GRIK2: variants seen among roughly 807,000 people sequenced by gnomAD.
GRIK2 encodes the protein glutamate ionotropic receptor kainate type subunit 2.
GRIK2 carries 32 observed loss-of-function variants against 100.3 expected under a neutral mutation model. The observed-to-expected ratio is 0.32, with a 90% CI of 0.24 to 0.43. The LOEUF is 0.43. GRIK2 is among the 20% of genes least tolerant of loss of function. The pLI is 1.00. For missense variants in GRIK2, 843 were observed against 1,114.9 expected (o/e 0.76, Z 3.47); for synonymous variants, 417 against 389.4 (o/e 1.07, Z -0.83).
chr6:101,568,458 G>A (rs1045946943), intron 2 of GRIK2, among the ~76,000 whole-genome samples: 3 of 151,940 alleles, frequency 2.0e-5, no homozygotes, highest in African/African-American at 7.2e-5. Context: ...ATAAATCCTG[G>A]TTTGAGCCTA....
At chr6:102,023,768 T>A (rs1769550371) in intron 14 of GRIK2, among the ~76,000 whole-genome samples, 2 of 151,480 alleles carry the variant, frequency 1.3e-5, no homozygotes, top group South Asian at 4.1e-4. Context: ...ACATTGATAG[T>A]TGAGTTACTC....
intron 15 of GRIK2, among the ~76,000 whole-genome samples, chr6:102,047,402 C>A (rs1770949347): frequency 6.6e-6 from 1 of 151,972 alleles, no homozygotes. Flanking sequence ...ATTGAAGACA[C>A]AATAAGTAGA....
At chr6:101,574,466 C>A (rs576194465) in intron 2 of GRIK2, among the ~76,000 whole-genome samples, 17 of 150,202 alleles carry the variant, frequency 1.1e-4, no homozygotes, top group Non-Finnish European at 2.2e-4. Context: ...AAGATTTTAA[C>A]CCTTTTTTTT....
chr6:101,720,225 C>A lies in GRIK2; in HGVS notation c.951+33872C>A, dbSNP rs369440718. ...GATTATGAGACAGACCCAGCCCACA[C>A]TGTCAGAAAAAAATAAAAAATGTGT... On this transcript the variant is annotated intron_variant, in intron 7 of 16. Transcript: ENST00000369134. Among the ~76,000 whole-genome samples, 28 of 151,900 alleles carry A rather than the reference C, an allele frequency of 1.8e-4. No homozygotes were observed. The East Asian group carries it at 3.5e-3, about 19-fold the overall frequency.
intron 2 of GRIK2, among the ~76,000 whole-genome samples, chr6:101,461,268 C>T (rs1426707015): frequency 6.6e-6 from 1 of 152,178 alleles, no homozygotes; most frequent in East Asian, 1.9e-4. Context: ...GGGTACAGGT[C>T]TCACAGGGGT....
intron 14 of GRIK2, among the ~76,000 whole-genome samples, chr6:102,029,358 G>A (rs1347344646): frequency 6.6e-6 from 1 of 151,204 alleles, no homozygotes; most frequent in East Asian, 1.9e-4. Context: ...ATAATCTTTA[G>A]TTTATACTGC....
chr6:101,968,660 C>T lies in GRIK2; in HGVS notation c.2085+40028C>T, dbSNP rs183849791. Among the ~76,000 whole-genome samples, 34 of 152,024 alleles carry T rather than the reference C, an allele frequency of 2.2e-4. No homozygotes were observed. The East Asian group carries it at 3.1e-3, about 14-fold the overall frequency. On this transcript the variant is annotated intron_variant, in intron 14 of 16. Transcript: ENST00000369134. ...AACATAAAGATACATACTTTATGTT[C>T]GCCTTATCTTCTCACTTTCCTTTCA...
chr6:101,758,294 G>A (rs976258441), intron 7 of GRIK2, among the ~76,000 whole-genome samples: 1 of 152,136 alleles, frequency 6.6e-6, no homozygotes, highest in African/African-American at 2.4e-5. Context: ...TATAAATGAT[G>A]AGTTAAAGCA....
chr6:101,647,892 G>A (rs991303123), intron 4 of GRIK2, among the ~76,000 whole-genome samples: 1 of 151,952 alleles, frequency 6.6e-6, no homozygotes, highest in African/African-American at 2.4e-5. Flanking sequence ...AATATTCATG[G>A]CTTAGGCAAG....
At chr6:101,711,411 A>T (rs1430514025) in intron 7 of GRIK2, among the ~76,000 whole-genome samples, 1 of 151,798 alleles carries the variant, frequency 6.6e-6, no homozygotes, top group Non-Finnish European at 1.5e-5. Context: ...TCATGATTTT[A>T]ATATAAAATC....
intron 2 of GRIK2, among the ~76,000 whole-genome samples, chr6:101,594,939 CAAAT>C (rs1050634917): frequency 2.0e-5 from 3 of 150,474 alleles, no homozygotes; most frequent in African/African-American, 4.9e-5. Context: ...AAATTTTAGA[CAAAT>C]AAGCATGTGG....
chr6:101,501,118 A>G (rs1032842933), intron 2 of GRIK2, among the ~76,000 whole-genome samples: 3 of 152,152 alleles, frequency 2.0e-5, no homozygotes, highest in Non-Finnish European at 2.9e-5. Flanking sequence ...TGACAAGCAT[A>G]TAAGAACCAT....
intron 7 of GRIK2, among the ~76,000 whole-genome samples, chr6:101,704,043 G>A (rs1222158963): frequency 6.6e-6 from 1 of 151,738 alleles, no homozygotes; most frequent in East Asian, 1.9e-4. Flanking sequence ...TTGGAAAGTG[G>A]GAAAGTGAAT....
At chr6:101,908,498 A>G (rs1788400589) in intron 12 of GRIK2, among the ~76,000 whole-genome samples, 1 of 151,384 alleles carries the variant, frequency 6.6e-6, no homozygotes, top group African/African-American at 2.4e-5. Context: ...AGTACATTAC[A>G]GATAAATATA....
chr6:101,459,954 A>T lies in GRIK2; in HGVS notation c.115+60562A>T, dbSNP rs533466617. 9.9e-5 allele frequency among the ~76,000 whole-genome samples: 15 copies of T among 152,114 alleles called. No individual in the cohort carries two copies. In the East Asian group the frequency reaches 2.7e-3, roughly 28 times the overall value. On this transcript the variant is annotated intron_variant, in intron 2 of 16. Coordinates refer to ENST00000369134, the MANE Select transcript of GRIK2 (RefSeq NM_021956.5). ...GTATTTGCAGTAGAGACAGGGTTTC[A>T]CCACTTTGGTCAGGCTGGTCTCGAA...
intron 14 of GRIK2, among the ~76,000 whole-genome samples, chr6:101,958,128 C>G (rs1417419489): frequency 6.6e-6 from 1 of 151,980 alleles, no homozygotes; most frequent in East Asian, 1.9e-4. Context: ...AATATTGACT[C>G]TTCCAAACTA....
intron 5 of GRIK2, among the ~76,000 whole-genome samples, chr6:101,677,237 A>G (rs565303433): frequency 6.6e-6 from 1 of 152,264 alleles, no homozygotes; most frequent in East Asian, 1.9e-4. Context: ...TTATTTCATC[A>G]TCACTACAAC....
chr6:101,960,045 A>AGT (rs1402563318), intron 14 of GRIK2, among the ~76,000 whole-genome samples: 1 of 86,938 alleles, frequency 1.2e-5, no homozygotes, highest in African/African-American at 5.2e-5. Context: ...GCCTTTTTTT[A>AGT]GTGTTTTGTT....
intron 11 of GRIK2, among the ~76,000 whole-genome samples, chr6:101,881,799 G>A (rs987121605): frequency 3.3e-5 from 5 of 151,994 alleles, no homozygotes; most frequent in Non-Finnish European, 5.9e-5. Flanking sequence ...GCTGCAATGA[G>A]CTATGATTGA....
Sources: allele counts gnomAD v4.1 joint callset (sites outside exome capture counted in the v4.1 genomes callset), GRCh38; gene constraint gnomAD v4.1.1; transcripts MANE v1.5; gene names NCBI Gene and HGNC (gene_info 2026-07-23, HGNC 2026-07-21).